The following RARB variants were observed in gnomAD, a reference collection of about 807,000 sequenced individuals.
RARB encodes the protein retinoic acid receptor beta.
Under a neutral mutation model 51.9 loss-of-function variants are expected in RARB, and 17 were observed. The observed-to-expected ratio is 0.33, with a 90% CI of 0.22 to 0.49. The LOEUF is 0.49. Among genes scored for constraint, RARB ranks in the 20% least tolerant of loss-of-function variants. The probability of loss-of-function intolerance (pLI) is 0.99; values close to 1 mark genes in which losing one functional copy is unlikely to be tolerated. For synonymous variants in RARB, 215 were observed against 195.4 expected, an observed-to-expected ratio of 1.10 and a Z score of -0.84; for missense variants, 369 against 550.8, an observed-to-expected ratio of 0.67 and a Z score of 3.30.
At chr3:25,061,434 A>G (rs1376939975) in intron 3 of RARB, among the ~76,000 whole-genome samples, 1 of 151,794 alleles carries the variant, frequency 6.6e-6, no homozygotes, top group Non-Finnish European at 1.5e-5. Flanking sequence ...TTAAAACAGA[A>G]TTTCTATAGC....
intron 5 of RARB, among the ~76,000 whole-genome samples, chr3:25,423,161 C>T (rs868435826): frequency 6.6e-6 from 1 of 152,198 alleles, no homozygotes; most frequent in African/African-American, 2.4e-5. Flanking sequence ...CTTTGGAGTA[C>T]AATTTTGTGC....
chr3:25,148,214 T>C (rs2125340238), intron 4 of RARB, among the ~76,000 whole-genome samples: 1 of 152,272 alleles, frequency 6.6e-6, no homozygotes, highest in African/African-American at 2.4e-5. Flanking sequence ...GCCTTCTGAA[T>C]GAGCCAATCA....
intron 1 of RARB, among the ~76,000 whole-genome samples, chr3:24,830,279 T>C (rs532422188): frequency 7.5e-5 from 11 of 145,934 alleles, no homozygotes; most frequent in African/African-American, 2.6e-4. Context: ...TGTGCACTTT[T>C]CTCCCTCCAG....
At chr3:24,897,252 G>A (rs945532776) in intron 2 of RARB, among the ~76,000 whole-genome samples, 3 of 152,152 alleles carry the variant, frequency 2.0e-5, no homozygotes, top group East Asian at 1.9e-4. Flanking sequence ...TGACCAAAAT[G>A]AACTTTGCCG....
At chr3:25,347,475 C>A (rs1705429523) in intron 5 of RARB, among the ~76,000 whole-genome samples, 1 of 152,158 alleles carries the variant, frequency 6.6e-6, no homozygotes, top group Non-Finnish European at 1.5e-5. Flanking sequence ...TTATATATAA[C>A]AAAGAAAATT....
At chr3:25,580,752 C>A in intron 5 of RARB, 30 bp downstream of exon 5, 1 of 1,561,310 alleles carries the variant, frequency 6.4e-7, no homozygotes, top group Non-Finnish European at 8.8e-7. Context: ...CTCAATGGGT[C>A]TGGGGAGGGA....
intron 3 of RARB, among the ~76,000 whole-genome samples, chr3:25,502,151 G>A (rs1697348682): frequency 6.6e-6 from 1 of 152,234 alleles, no homozygotes; most frequent in African/African-American, 2.4e-5. Context: ...TTTTGGTGAT[G>A]GCGTGCTGTG....
At chr3:24,986,072 C>T (rs80298228) in intron 2 of RARB, among the ~76,000 whole-genome samples, 320 of 152,230 alleles carry the variant, frequency 2.1e-3, no homozygotes, top group African/African-American at 7.6e-3. Context: ...GGTAAAATCA[C>T]CTAGAGTGGT....
chr3:24,971,375 T>A lies in RARB; in HGVS notation c.-379-88750T>A, dbSNP rs529606503. 5.3e-5 allele frequency among the ~76,000 whole-genome samples: 8 copies of A among 152,114 alleles called. No individual in the cohort carries two copies. In the South Asian group the frequency reaches 1.4e-3, roughly 28 times the overall value. ...AAGAAAACCATGAGAAACAAAATCA[T>A]GTATGTAGTGTTTTGAATAATAATT... is the stretch of plus-strand genomic sequence containing the variant. On this transcript the variant is annotated intron_variant, in intron 2 of 11. Transcript: ENST00000383772.
chr3:25,449,127 C>A (rs1036914716), intron 1 of RARB, among the ~76,000 whole-genome samples: 16 of 152,078 alleles, frequency 1.1e-4, no homozygotes, highest in Admixed American at 1.0e-3. Context: ...CCCCGAAGAG[C>A]CCTGGAGCTG....
intron 2 of RARB, among the ~76,000 whole-genome samples, chr3:24,987,044 CAAA>C (rs1240397408): frequency 6.6e-6 from 1 of 152,084 alleles, no homozygotes; most frequent in Non-Finnish European, 1.5e-5. Flanking sequence ...GTCTTTCTCT[CAAA>C]AAACAATCTA....
intron 5 of RARB, among the ~76,000 whole-genome samples, chr3:25,330,131 C>G (rs1004034178): frequency 6.6e-6 from 1 of 152,132 alleles, no homozygotes; most frequent in Non-Finnish European, 1.5e-5. Flanking sequence ...GCCAGCAAGA[C>G]AGGCCAACAT....
At chr3:25,009,849 A>AG (rs1697356371) in intron 2 of RARB, among the ~76,000 whole-genome samples, 1 of 152,038 alleles carries the variant, frequency 6.6e-6, no homozygotes, top group Admixed American at 6.6e-5. Context: ...GTTTAGGGGA[A>AG]GCAGTGGAAG....
intron 4 of RARB, among the ~76,000 whole-genome samples, chr3:25,133,482 G>A (rs1484134856): frequency 1.3e-5 from 2 of 151,952 alleles, no homozygotes; most frequent in African/African-American, 4.8e-5. Flanking sequence ...ATATTAAAAG[G>A]GAAACAAATA....
rs973663775 is a variant in RARB at position 25,228,338 on chromosome 3, T to C, written c.178+53763T>C. Reference sequence around the variant, plus strand: ...GATTTTTAGTTTCCCTTTGCATTTATGTTATTTTCTCATGTCTGTCCTTGT... The same window carrying C: ...GATTTTTAGTTTCCCTTTGCATTTACGTTATTTTCTCATGTCTGTCCTTGT... On this transcript the variant is annotated intron_variant, in intron 5 of 11. Transcript: ENST00000383772. Among the ~76,000 whole-genome samples the C allele has an allele frequency of 2.1e-4, 32 of 151,934 alleles. 1 individual carries two copies.
chr3:25,033,071 T>A (rs907281154), intron 2 of RARB, among the ~76,000 whole-genome samples: 1 of 152,216 alleles, frequency 6.6e-6, no homozygotes, highest in African/African-American at 2.4e-5. Context: ...TTGCCAGTTA[T>A]TCATCTAGGC....
At chr3:25,062,703 C>T (rs572923200) in intron 3 of RARB, among the ~76,000 whole-genome samples, 24 of 151,872 alleles carry the variant, frequency 1.6e-4, no homozygotes, top group Non-Finnish European at 2.7e-4. Context: ...AAGAAATGTC[C>T]GGAATGTGCA....
In RARB at chr3:25,461,355, C is replaced by A. The variant is rs776869343; in HGVS notation, c.306+14C>A. 1 of 1,610,964 alleles carries A rather than the reference C, an allele frequency of 6.2e-7. No homozygotes were observed. The highest frequency in any genetic ancestry group is 1.7e-4 in the Middle Eastern group (1 of 6,032). ...GAGGGATGTAAGGTGAGTATTCACA[C>A]TTCTGTGCCTGATGAACTCTCATTC... On this transcript the variant is annotated intron_variant, in intron 2 of 7. Transcript: ENST00000330688.
At chr3:25,326,126 C>T (rs1309190867) in intron 5 of RARB, among the ~76,000 whole-genome samples, 2 of 152,108 alleles carry the variant, frequency 1.3e-5, no homozygotes, top group Non-Finnish European at 2.9e-5. Flanking sequence ...GGGGATTGTC[C>T]CCTCTACCCC....
Sources: gnomAD v4.1 joint callset for allele counts (sites outside exome capture counted in the v4.1 genomes callset) on GRCh38, gnomAD v4.1.1 for gene constraint, MANE v1.5 for transcripts, NCBI Gene and HGNC (gene_info 2026-07-23, HGNC 2026-07-21) for gene names.